Variants in FBXL17 observed in about 807,000 individuals in gnomAD.
The protein encoded by FBXL17 is F-box and leucine rich repeat protein 17, also known as F-box/LRR-repeat protein 17.
A neutral mutation model predicts 66.2 loss-of-function variants in FBXL17; 22 were observed. That is an observed-to-expected ratio of 0.33 (90% CI 0.24 to 0.47). FBXL17 has a LOEUF of 0.47. FBXL17 is among the 20% of genes least tolerant of loss of function. The pLI is 1.00. For synonymous variants in FBXL17, 474 were observed against 400.5 expected (o/e 1.18, Z -2.19); for missense variants, 878 against 948.2 (o/e 0.93, Z 0.97).
intron 4 of FBXL17, among the ~76,000 whole-genome samples, chr5:108,336,353 C>T (rs1760383097): frequency 6.6e-6 from 1 of 152,106 alleles, no homozygotes; most frequent in South Asian, 2.1e-4. Context: ...ATATCTACCT[C>T]TAATTGCAAC....
At chr5:107,920,196 T>C (rs1162666299) in intron 7 of FBXL17, among the ~76,000 whole-genome samples, 3 of 152,208 alleles carry the variant, frequency 2.0e-5, no homozygotes, top group Non-Finnish European at 2.9e-5. Context: ...ATTGAAACTG[T>C]GGATGTGAAT....
intron 7 of FBXL17, among the ~76,000 whole-genome samples, chr5:108,016,819 G>A (rs193077061): frequency 3.5e-5 from 5 of 141,852 alleles, no homozygotes; most frequent in Admixed American, 1.5e-4. Context: ...CGCTTTTGTC[G>A]CCCAGGCTGG....
At chr5:108,071,287 ACCTTC>A (rs1397045132) in intron 6 of FBXL17, among the ~76,000 whole-genome samples, 3 of 152,208 alleles carry the variant, frequency 2.0e-5, no homozygotes, top group Non-Finnish European at 4.4e-5. Context: ...ACTACACTTG[ACCTTC>A]CAGGTTTAAG....
At chr5:107,980,229 T>G (rs1388093580) in intron 7 of FBXL17, among the ~76,000 whole-genome samples, 1 of 152,068 alleles carries the variant, frequency 6.6e-6, no homozygotes, top group East Asian at 1.9e-4. Flanking sequence ...GGTGAAAATC[T>G]TATTATGAAC....
intron 5 of FBXL17, among the ~76,000 whole-genome samples, chr5:108,221,128 C>T (rs1459404877): frequency 1.3e-5 from 2 of 152,112 alleles, no homozygotes; most frequent in East Asian, 3.8e-4. Flanking sequence ...TTGAGATTAG[C>T]AGAATCTAAG....
intron 4 of FBXL17, among the ~76,000 whole-genome samples, chr5:108,272,012 C>T (rs1580724057): frequency 6.6e-6 from 1 of 152,136 alleles, no homozygotes; most frequent in African/African-American, 2.4e-5. Context: ...AACCAACGGC[C>T]GGGTGCAGTG....
rs1749942677 is a variant in FBXL17 at position 108,381,590 on chromosome 5, G to A, written c.102C>T (p.Pro34=). Residue 34 remains proline, a synonymous_variant, in exon 1 of 9, where the codon CCC becomes CCT. Transcript: ENST00000542267. ...GGGGCACCTTGGCTGGGGTCCGGCG[G>A]GGCAGCCTGAGGAGAGGGCGCCGGC... ...CRRRRPLLRL[P]RRTPAKVPPQ... 1 of 1,462,082 alleles carries A rather than the reference G, an allele frequency of 6.8e-7. No homozygotes were observed. The highest frequency in any genetic ancestry group is 9.0e-7 in the Non-Finnish European group (1 of 1,113,638). The allele number at this position is 1,462,082 out of a possible 1,614,324, so 90.6% of individuals were successfully genotyped here.
rs374539698 is a variant in FBXL17, at chr5:108,281,201, C to A, written c.1507-56973G>T. Among the ~76,000 whole-genome samples the A allele has an allele frequency of 2.9e-4, 44 of 152,062 alleles. No homozygotes were observed. The South Asian group carries it at 8.5e-3, about 29-fold the overall frequency. On this transcript the variant is annotated intron_variant, in intron 4 of 8. Transcript: ENST00000542267. ...AGAATTTACATAACATTCTGCCCAA[C>A]TGCAGAATATACATTCTTTTCATCA...
intron 7 of FBXL17, among the ~76,000 whole-genome samples, chr5:108,001,277 T>C (rs1280710192): frequency 1.3e-5 from 2 of 152,144 alleles, no homozygotes; most frequent in African/African-American, 4.8e-5. Context: ...GAAATAAGAA[T>C]GACATGTGTG....
intron 7 of FBXL17, among the ~76,000 whole-genome samples, chr5:108,007,355 C>T (rs756806460): frequency 3.3e-5 from 5 of 152,116 alleles, no homozygotes; most frequent in African/African-American, 7.2e-5. Context: ...TCAGAAAATA[C>T]TAAACGCATT....
intron 5 of FBXL17, among the ~76,000 whole-genome samples, chr5:108,187,706 C>CA (rs150556442): frequency 0.016 from 2,439 of 152,210 alleles, 61 homozygotes; most frequent in African/African-American, 0.056. Context: ...TTAATTCTGC[C>CA]AAAAAACCTG....
chr5:108,040,090 C>T (rs1188285147), intron 6 of FBXL17, among the ~76,000 whole-genome samples: 1 of 152,038 alleles, frequency 6.6e-6, no homozygotes, highest in African/African-American at 2.4e-5. Flanking sequence ...TTTGGCTTGA[C>T]AATAAGAATT....
At chr5:108,283,809 T>C (rs747515584) in intron 4 of FBXL17, among the ~76,000 whole-genome samples, 1 of 151,886 alleles carries the variant, frequency 6.6e-6, no homozygotes, top group East Asian at 1.9e-4. Context: ...ATACAGAATA[T>C]ACAAAGAACT....
At chr5:108,172,182 C>T (rs1752631146) in intron 6 of FBXL17, among the ~76,000 whole-genome samples, 1 of 152,202 alleles carries the variant, frequency 6.6e-6, no homozygotes, top group Admixed American at 6.5e-5. Flanking sequence ...AGACTTCCAT[C>T]TTCATGTGAT....
intron 1 of FBXL17, among the ~76,000 whole-genome samples, chr5:108,374,084 A>G (rs1271196975): frequency 6.6e-6 from 1 of 152,234 alleles, no homozygotes; most frequent in Non-Finnish European, 1.5e-5. Flanking sequence ...AAAAAAACCA[A>G]AAAGAGTTCC....
intron 7 of FBXL17, among the ~76,000 whole-genome samples, chr5:107,958,591 C>G (rs572568080): frequency 1.3e-5 from 2 of 152,272 alleles, no homozygotes; most frequent in African/African-American, 4.8e-5. Flanking sequence ...ATAGATAGCT[C>G]TTATGTGCTC....
chr5:108,316,676 C>T (rs1759378973), intron 4 of FBXL17, among the ~76,000 whole-genome samples: 1 of 150,986 alleles, frequency 6.6e-6, no homozygotes, highest in African/African-American at 2.4e-5. Flanking sequence ...TAGTTTTAGC[C>T]TTATGAAATA....
At chr5:107,931,973 A>C (rs1254767065) in intron 7 of FBXL17, among the ~76,000 whole-genome samples, 3 of 152,194 alleles carry the variant, frequency 2.0e-5, no homozygotes, top group Non-Finnish European at 4.4e-5. Context: ...GGCTTATTAA[A>C]AGTACAGATT....
intron 4 of FBXL17, among the ~76,000 whole-genome samples, chr5:108,252,047 T>C (rs1312422918): frequency 6.6e-6 from 1 of 152,110 alleles, no homozygotes; most frequent in Non-Finnish European, 1.5e-5. Flanking sequence ...AAGATCTGTA[T>C]ATGCAGATAT....
Sources: gnomAD v4.1 joint callset for allele counts (sites outside exome capture counted in the v4.1 genomes callset) on GRCh38, gnomAD v4.1.1 for gene constraint, MANE v1.5 for transcripts, NCBI Gene and HGNC (gene_info 2026-07-23, HGNC 2026-07-21) for gene names.